Variants in URI1 observed in about 807,000 individuals in gnomAD.
URI1 encodes unconventional prefoldin RPB5 interactor 1.
URI1 carries 39 observed loss-of-function variants against 60.2 expected under a neutral mutation model. That is an observed-to-expected ratio of 0.65 (90% CI 0.50 to 0.85). URI1 has a LOEUF of 0.85. Among genes scored for constraint, URI1 ranks in the 40% least tolerant of loss-of-function variants. The probability of loss-of-function intolerance (pLI) is 0.00; values close to 1 mark genes in which losing one functional copy is unlikely to be tolerated. For missense variants in URI1, 691 were observed against 665.9 expected, an observed-to-expected ratio of 1.04 and a Z score of -0.42; for synonymous variants, 251 against 236.8, an observed-to-expected ratio of 1.06 and a Z score of -0.55.
intron 4 of URI1, among the ~76,000 whole-genome samples, chr19:29,996,551 T>C (rs1372710913): frequency 6.6e-6 from 1 of 152,078 alleles, no homozygotes; most frequent in Admixed American, 6.6e-5. Flanking sequence ...CATATGTTGG[T>C]AGTAGAGAGA....
intron 4 of URI1, among the ~76,000 whole-genome samples, chr19:29,989,150 G>T (rs771838410): frequency 6.6e-6 from 1 of 150,996 alleles, no homozygotes; most frequent in Non-Finnish European, 1.5e-5. Context: ...TCACTCTGTC[G>T]CCTAGGCTGG....
intron 1 of URI1, among the ~76,000 whole-genome samples, chr19:29,955,592 G>A (rs922142614): frequency 3.9e-5 from 6 of 152,124 alleles, no homozygotes; most frequent in Non-Finnish European, 8.8e-5. Context: ...CTGAAAACTA[G>A]GAATTCCTTG....
chr19:29,979,595 G>C (rs1433146845), intron 2 of URI1, among the ~76,000 whole-genome samples: 1 of 152,084 alleles, frequency 6.6e-6, no homozygotes, highest in Non-Finnish European at 1.5e-5. Context: ...AAGAAATCTA[G>C]TAGAATGTTA....
intron 1 of URI1, among the ~76,000 whole-genome samples, chr19:29,947,614 T>A (rs999576527): frequency 6.6e-6 from 1 of 152,214 alleles, no homozygotes; most frequent in African/African-American, 2.4e-5. Context: ...ATTTTTGTGT[T>A]TTGTTTTTGT....
Position 30,007,598 on chromosome 19 carries a change from G to A in URI1, c.646G>A (p.Glu216Lys), listed in dbSNP as rs892035685. The stretch of plus-strand genomic sequence containing the variant: ...TAAAGAACTGTGGGCTCGACTTGAA[G>A]AACTAGAGAGACAGGAAGAATTGCT... ...ADKELWARLEELERQEELLGE... is the reference protein window; with the variant it reads ...ADKELWARLEKLERQEELLGE... The change falls in exon 7 of 11, where the codon GAA becomes AAA. Residue 216 changes from glutamate (E) to lysine (K), a missense_variant. Physicochemically the swap from Glu to Lys is moderately conservative, Grantham distance 56. Transcript: ENST00000392271. 31 of 1,611,622 alleles carry A rather than the reference G, an allele frequency of 1.9e-5. No individual in the cohort carries two copies. The highest frequency in any genetic ancestry group is 2.7e-5 in the African/African-American group (2 of 74,692).
Position 30,015,247 on chromosome 19 carries a change from C to T in URI1, c.*178C>T, listed in dbSNP as rs2056071907. 7.1e-7 allele frequency: 1 copy of T among 1,415,410 alleles called. No individual in the cohort carries two copies. 87.7% of individuals were successfully genotyped at this position (1,415,410 alleles called of 1,614,324 possible). ...AAAAATCAAGGTAACTGTCTGAATA[C>T]TTTAATATCAGCTTGTTTTGTGAAT... On this transcript the variant is annotated 3_prime_UTR_variant, in exon 11 of 11. Transcript: ENST00000392271.
At chr19:29,932,654 CTTT>C (rs34146888) in intron 1 of URI1, among the ~76,000 whole-genome samples, 1 of 131,552 alleles carries the variant, frequency 7.6e-6, no homozygotes, top group Non-Finnish European at 1.6e-5. Flanking sequence ...CCCTTCATTC[CTTT>C]TTTTTTTTTT....
At chr19:29,954,617 C>T (rs1452931025) in intron 1 of URI1, among the ~76,000 whole-genome samples, 1 of 149,986 alleles carries the variant, frequency 6.7e-6, no homozygotes, top group Non-Finnish European at 1.5e-5. Flanking sequence ...CAGGTTCAAG[C>T]AATTCTCCTG....
chr19:30,006,915 T>C (rs1305110787), intron 6 of URI1, among the ~76,000 whole-genome samples: 1 of 152,116 alleles, frequency 6.6e-6, no homozygotes, highest in African/African-American at 2.4e-5. Flanking sequence ...GATGTTCATA[T>C]GTAAAATGAT....
intron 1 of URI1, among the ~76,000 whole-genome samples, chr19:29,948,127 C>G (rs1213499994): frequency 6.6e-6 from 1 of 152,190 alleles, no homozygotes; most frequent in African/African-American, 2.4e-5. Flanking sequence ...CTTGTCTGTT[C>G]TTGCAGCAAA....
At chr19:29,964,423 C>G (rs2055363689) in intron 1 of URI1, among the ~76,000 whole-genome samples, 1 of 150,870 alleles carries the variant, frequency 6.6e-6, no homozygotes, top group Non-Finnish European at 1.5e-5. Flanking sequence ...ACTACAGTCT[C>G]ACTGACAGTG....
chr19:30,015,119 T>C lies in URI1; in HGVS notation c.*50T>C, dbSNP rs2056070055. 1 of 1,581,622 alleles carries C rather than the reference T, an allele frequency of 6.3e-7. No homozygotes were observed. Among genetic ancestry groups the C allele is most frequent in the Non-Finnish European group, 8.6e-7 (1 of 1,166,740 alleles). On this transcript the variant is annotated 3_prime_UTR_variant, in exon 11 of 11. Coordinates refer to ENST00000392271, the MANE Select transcript of URI1 (RefSeq NM_003796.3). ...ACATCCTAAAACCTAGTTGTTCATT[T>C]GTTTAGAGTATCTATAGCAAAATAG...
chr19:29,948,989 C>A (rs1412787497), intron 1 of URI1, among the ~76,000 whole-genome samples: 3 of 144,726 alleles, frequency 2.1e-5, no homozygotes, highest in African/African-American at 7.6e-5. Flanking sequence ...CCGGACGGGG[C>A]GGCTGGCCAG....
chr19:29,962,311 C>T (rs1455811261), intron 1 of URI1, among the ~76,000 whole-genome samples: 2 of 148,920 alleles, frequency 1.3e-5, no homozygotes, highest in African/African-American at 2.5e-5. Flanking sequence ...TTGTTATTTC[C>T]TCCTATTAAC....
chr19:30,005,593 A>C, intron 5 of URI1, 58 bp from the exon 6 acceptor site: 1 of 1,581,072 alleles, frequency 6.3e-7, no homozygotes, highest in South Asian at 1.2e-5. Flanking sequence ...TCTTTGGATA[A>C]TTTTAGTATG....
chr19:29,971,713 A>G (rs530325817), intron 2 of URI1, among the ~76,000 whole-genome samples: 4 of 150,630 alleles, frequency 2.7e-5, no homozygotes, highest in Non-Finnish European at 4.4e-5. Flanking sequence ...AAGAGAGAGC[A>G]TATCTATTTT....
At chr19:30,010,225 G>A (rs1443202610) in intron 8 of URI1, among the ~76,000 whole-genome samples, 1 of 152,050 alleles carries the variant, frequency 6.6e-6, no homozygotes, top group Admixed American at 6.5e-5. Flanking sequence ...AAGGGTCTGT[G>A]GTATCATTCT....
intron 1 of URI1, among the ~76,000 whole-genome samples, chr19:29,962,572 G>A (rs187605516): frequency 6.7e-6 from 1 of 149,794 alleles, no homozygotes; most frequent in East Asian, 2.0e-4. Context: ...GTTCTGTGTG[G>A]TCAATATTGA....
chr19:30,013,928 G>T (rs2056054306), intron 10 of URI1, among the ~76,000 whole-genome samples: 1 of 151,926 alleles, frequency 6.6e-6, no homozygotes, highest in Non-Finnish European at 1.5e-5. Context: ...GTAGAAGAAG[G>T]TGGCTTTTTA....
Sources: allele counts gnomAD v4.1 joint callset (sites outside exome capture counted in the v4.1 genomes callset), GRCh38; gene constraint gnomAD v4.1.1; transcripts MANE v1.5; gene names NCBI Gene and HGNC (gene_info 2026-07-23, HGNC 2026-07-21).